The following DGKB variants were observed in gnomAD, a reference collection of about 807,000 sequenced individuals.
DGKB encodes the protein diacylglycerol kinase beta.
Under a neutral mutation model 114.3 loss-of-function variants are expected in DGKB, and 67 were observed. The ratio of observed to expected loss-of-function variants is 0.59; its 90% CI spans 0.48 to 0.72. DGKB has a LOEUF of 0.72. Ranked by LOEUF, DGKB falls within the 30% of genes least tolerant of loss-of-function variation. The pLI is 0.00. For missense variants in DGKB, 907 were observed against 975.2 expected (o/e 0.93, Z 0.93); for synonymous variants, 398 against 323.1 (o/e 1.23, Z -2.49).
At chr7:14,504,871 C>T (rs1160955393) in intron 20 of DGKB, among the ~76,000 whole-genome samples, 1 of 152,068 alleles carries the variant, frequency 6.6e-6, no homozygotes. Flanking sequence ...TTTCTTTTAA[C>T]CAAGCAAATT....
intron 2 of DGKB, among the ~76,000 whole-genome samples, chr7:14,813,262 T>A (rs1371829057): frequency 6.6e-6 from 1 of 152,214 alleles, no homozygotes; most frequent in African/African-American, 2.4e-5. Flanking sequence ...GATATATAGA[T>A]AAGCAGTAGT....
intron 1 of DGKB, among the ~76,000 whole-genome samples, chr7:14,843,122 T>C (rs1848164727): frequency 6.6e-6 from 1 of 150,650 alleles, no homozygotes; most frequent in African/African-American, 2.4e-5. Context: ...GGAGCTGAGG[T>C]GGGAGAATCA....
At position 14,345,252 on chromosome 7, in the gene DGKB, G is replaced by T. The variant is rs376205767; in HGVS notation, c.1926+49C>A. On this transcript the variant is annotated intron_variant, in intron 22 of 25. Coordinates refer to ENST00000402815, the MANE Select transcript of DGKB (RefSeq NM_001350709.2). ...CCAATGCAAATATACTAACAACAAA[G>T]CTCAAGCCATTTCATCATATTACAA... 4.6e-6 allele frequency: 5 copies of T among 1,096,242 alleles called. No homozygotes were observed. The South Asian group carries it at 5.7e-5, about 12-fold the overall frequency. The allele number at this position is 1,096,242 out of a possible 1,614,324, so 67.9% of individuals were successfully genotyped here. A position where few individuals can be genotyped will look rare whatever the true frequency, so the allele number is the denominator to read the frequency against.
intron 1 of DGKB, among the ~76,000 whole-genome samples, chr7:14,875,052 T>C (rs1262419495): frequency 6.6e-6 from 1 of 152,052 alleles, no homozygotes; most frequent in Non-Finnish European, 1.5e-5. Context: ...ACCCATTGTT[T>C]AGGGAGAAGT....
At chr7:14,698,506 C>T (rs1178798245) in intron 7 of DGKB, among the ~76,000 whole-genome samples, 1 of 152,020 alleles carries the variant, frequency 6.6e-6, no homozygotes, top group African/African-American at 2.4e-5. Context: ...CACTGAATTC[C>T]CTGAACCTTT....
chr7:14,205,232 T>G (rs1307527357), intron 23 of DGKB, among the ~76,000 whole-genome samples: 2 of 151,956 alleles, frequency 1.3e-5, no homozygotes, highest in African/African-American at 2.4e-5. Context: ...TCCTGATATC[T>G]GCCTCCCCGG....
At chr7:14,236,516 T>A (rs956691920) in intron 23 of DGKB, among the ~76,000 whole-genome samples, 1 of 151,962 alleles carries the variant, frequency 6.6e-6, no homozygotes, top group South Asian at 2.1e-4. Context: ...ATTTTTCTGT[T>A]CAACGAGAAT....
At chr7:14,315,397 G>T (rs1373008370) in intron 23 of DGKB, among the ~76,000 whole-genome samples, 1 of 150,186 alleles carries the variant, frequency 6.7e-6, no homozygotes, top group Non-Finnish European at 1.5e-5. Context: ...CATCTCACGT[G>T]CAGAGACACA....
intron 20 of DGKB, among the ~76,000 whole-genome samples, chr7:14,562,328 T>C (rs1796783301): frequency 1.3e-5 from 2 of 152,188 alleles, no homozygotes; most frequent in Admixed American, 6.5e-5. Flanking sequence ...CAGAAGTGCA[T>C]AAGGGAAATG....
chr7:14,456,375 A>G (rs1832287883), intron 21 of DGKB, among the ~76,000 whole-genome samples: 2 of 152,186 alleles, frequency 1.3e-5, no homozygotes, highest in South Asian at 2.1e-4. Flanking sequence ...TGTATAATAT[A>G]AGCTAAAAAA....
At chr7:14,280,975 A>C (rs1799854209) in intron 23 of DGKB, among the ~76,000 whole-genome samples, 1 of 151,840 alleles carries the variant, frequency 6.6e-6, no homozygotes, top group African/African-American at 2.4e-5. Context: ...TCACCAGCTA[A>C]CATCATAATG....
chr7:14,506,648 G>C (rs181019389), intron 20 of DGKB, among the ~76,000 whole-genome samples: 1 of 152,126 alleles, frequency 6.6e-6, no homozygotes, highest in Non-Finnish European at 1.5e-5. Flanking sequence ...GGAGAGCCAC[G>C]CACTAACCTC....
At chr7:14,557,751 G>T (rs567980966) in intron 20 of DGKB, among the ~76,000 whole-genome samples, 4 of 151,422 alleles carry the variant, frequency 2.6e-5, no homozygotes, top group African/African-American at 9.7e-5. Flanking sequence ...GATGCTTATG[G>T]AAATTCTTAA....
intron 1 of DGKB, among the ~76,000 whole-genome samples, chr7:14,845,529 G>A (rs747078770): frequency 2.2e-4 from 33 of 152,014 alleles, no homozygotes; most frequent in Non-Finnish European, 4.0e-4. Flanking sequence ...ACCATCCTGC[G>A]CTACACTCCA....
intron 1 of DGKB, among the ~76,000 whole-genome samples, chr7:14,864,079 C>T (rs796216497): frequency 1.3e-4 from 17 of 134,654 alleles, no homozygotes; most frequent in African/African-American, 4.6e-4. Context: ...CCAGTCTGGG[C>T]AACGGGAGCA....
intron 21 of DGKB, among the ~76,000 whole-genome samples, chr7:14,360,161 C>A (rs1815425340): frequency 6.6e-6 from 1 of 151,994 alleles, no homozygotes. Flanking sequence ...ATGTCCTTTG[C>A]AGGGTCATGG....
chr7:14,459,113 G>A (rs1003734854), intron 21 of DGKB, among the ~76,000 whole-genome samples: 48 of 152,134 alleles, frequency 3.2e-4, no homozygotes, highest in Non-Finnish European at 2.2e-4. Flanking sequence ...AGAGCCCACC[G>A]CAGCTTGGCA....
At chr7:14,179,588 T>C (rs4719393) in intron 23 of DGKB, among the ~76,000 whole-genome samples, 1 of 151,910 alleles carries the variant, frequency 6.6e-6, no homozygotes, top group African/African-American at 2.4e-5. Flanking sequence ...CATTTTAGCA[T>C]AGAGTTTAGA....
chr7:14,419,643 T>C lies in DGKB; in HGVS notation c.1835+58518A>G, dbSNP rs1378154004. On this transcript the variant is annotated intron_variant, in intron 21 of 25. Transcript: ENST00000402815. ...CTTAATTTGAAAAAAAAAAAAATGT[T>C]GGACTGGAACTGATAGTGTTCCAGG... is the stretch of plus-strand genomic sequence containing the variant. Among the ~76,000 whole-genome samples, 3 of 150,526 alleles carry C rather than the reference T, an allele frequency of 2.0e-5. No homozygotes were observed. The Admixed American group carries it at 2.0e-4, about 10-fold the overall frequency.
Sources: gnomAD v4.1 joint callset for allele counts (sites outside exome capture counted in the v4.1 genomes callset) on GRCh38, gnomAD v4.1.1 for gene constraint, MANE v1.5 for transcripts, NCBI Gene and HGNC (gene_info 2026-07-23, HGNC 2026-07-21) for gene names.